Variants in ADGRB3 observed in about 807,000 individuals in gnomAD.
The protein encoded by ADGRB3 is adhesion G protein-coupled receptor B3.
ADGRB3 carries 37 observed loss-of-function variants against 193.4 expected under a neutral mutation model. The observed-to-expected ratio is 0.19, with a 90% CI of 0.15 to 0.25. ADGRB3 has a LOEUF of 0.25. ADGRB3 is among the 10% of genes least tolerant of loss of function. The pLI is 1.00. For missense variants in ADGRB3, 1,637 were observed against 1,852.9 expected (o/e 0.88, Z 2.14); for synonymous variants, 690 against 644.2 (o/e 1.07, Z -1.08).
At chr6:68,728,796 C>T (rs933477663) in intron 3 of ADGRB3, among the ~76,000 whole-genome samples, 6 of 151,530 alleles carry the variant, frequency 4.0e-5, no homozygotes, top group Admixed American at 3.3e-4. Context: ...TTCAACAAAA[C>T]ATCATGGCTC....
chr6:69,105,274 A>C (rs575241597), intron 17 of ADGRB3, among the ~76,000 whole-genome samples: 2 of 152,292 alleles, frequency 1.3e-5, no homozygotes, highest in South Asian at 2.1e-4. Flanking sequence ...TTCAGCCTCT[A>C]AAATTTCCAG....
chr6:69,377,769 A>T (rs139862461), intron 30 of ADGRB3, among the ~76,000 whole-genome samples: 1 of 152,156 alleles, frequency 6.6e-6, no homozygotes, highest in Non-Finnish European at 1.5e-5. Flanking sequence ...TTAAGCATCA[A>T]CTCTGTGATT....
At chr6:68,906,954 T>G (rs1766565133) in intron 3 of ADGRB3, among the ~76,000 whole-genome samples, 2 of 151,968 alleles carry the variant, frequency 1.3e-5, no homozygotes, top group African/African-American at 4.8e-5. Context: ...CCTTCACTAT[T>G]TTCCTTTTTA....
At position 68,764,093 on chromosome 6, in the gene ADGRB3, A is replaced by G. The variant is rs559071891; in HGVS notation, c.757+124661A>G. Among the ~76,000 whole-genome samples the G allele has an allele frequency of 2.0e-5, 3 of 152,202 alleles. No individual in the cohort carries two copies. In the South Asian group the frequency reaches 6.2e-4, roughly 32 times the overall value. On this transcript the variant is annotated intron_variant, in intron 3 of 31. Transcript: ENST00000370598. ...CCTCAAATACATACATAAATAAATA[A>G]AATTTTTAGACATGAAATAGGCATT...
At chr6:68,986,765 A>G (rs1420923981) in intron 10 of ADGRB3, among the ~76,000 whole-genome samples, 2 of 152,170 alleles carry the variant, frequency 1.3e-5, no homozygotes, top group South Asian at 2.1e-4. Flanking sequence ...TACCTTGCAG[A>G]TGGGCTGTAG....
intron 10 of ADGRB3, among the ~76,000 whole-genome samples, chr6:68,981,602 C>T (rs1768910872): frequency 6.6e-6 from 1 of 151,518 alleles, no homozygotes. Flanking sequence ...TTAGACTTTA[C>T]ATGCCATATG....
At chr6:69,372,518 C>T in intron 30 of ADGRB3, 77 bp downstream of exon 30, 1 of 706,606 alleles carries the variant, frequency 1.4e-6, no homozygotes, top group Non-Finnish European at 2.1e-6. Context: ...AAAATTATTA[C>T]TCTATGCAGC....
chr6:69,343,301 A>G (rs1484427039), intron 26 of ADGRB3, among the ~76,000 whole-genome samples: 1 of 150,550 alleles, frequency 6.6e-6, no homozygotes, highest in Non-Finnish European at 1.5e-5. Flanking sequence ...GTCATCTAGC[A>G]TTAGGTATAT....
chr6:68,709,112 C>T (rs530949564), intron 3 of ADGRB3, among the ~76,000 whole-genome samples: 9 of 152,158 alleles, frequency 5.9e-5, no homozygotes, highest in African/African-American at 1.9e-4. Flanking sequence ...TCTAAAATAC[C>T]TTTCAATTTA....
At chr6:69,199,346 C>T (rs1765372165) in intron 17 of ADGRB3, among the ~76,000 whole-genome samples, 1 of 151,954 alleles carries the variant, frequency 6.6e-6, no homozygotes, top group South Asian at 2.1e-4. Flanking sequence ...CCTGGGTGAC[C>T]TTGGGCAAGT....
intron 3 of ADGRB3, among the ~76,000 whole-genome samples, chr6:68,919,235 A>C (rs1766961424): frequency 6.6e-6 from 1 of 152,218 alleles, no homozygotes; most frequent in African/African-American, 2.4e-5. Context: ...TGATAAGCCT[A>C]AAACAGCTTT....
chr6:68,862,610 G>C (rs188088922), intron 3 of ADGRB3, among the ~76,000 whole-genome samples: 41 of 152,242 alleles, frequency 2.7e-4, no homozygotes, highest in Admixed American at 1.6e-3. Flanking sequence ...ATGTGACAAT[G>C]TCCTTAGCTA....
At chr6:68,975,572 G>A (rs1768719311) in intron 10 of ADGRB3, among the ~76,000 whole-genome samples, 1 of 152,192 alleles carries the variant, frequency 6.6e-6, no homozygotes, top group South Asian at 2.1e-4. Context: ...AGAACCCTTT[G>A]TCTAGTGGGG....
intron 17 of ADGRB3, among the ~76,000 whole-genome samples, chr6:69,117,616 T>C (rs1265153874): frequency 6.6e-6 from 1 of 152,172 alleles, no homozygotes; most frequent in African/African-American, 2.4e-5. Context: ...CTCAACAAGT[T>C]TGGAAATATG....
rs367680033 is a variant in ADGRB3 at position 69,140,212 on chromosome 6, A to C, written c.2480+64174A>C. Among the ~76,000 whole-genome samples, 107 of 152,372 alleles carry C rather than the reference A, an allele frequency of 7.0e-4. 1 individual carries two copies. The South Asian group carries it at 0.017, about 25-fold the overall frequency. ...GTTTACTCTGAATTCAAAAGTCTCT[A>C]ATAACTGATATATAAGGTTAAATAT... On this transcript the variant is annotated intron_variant, in intron 17 of 31. Coordinates refer to ENST00000370598, the MANE Select transcript of ADGRB3 (RefSeq NM_001704.3).
chr6:68,967,438 T>C (rs1768415929), intron 8 of ADGRB3, among the ~76,000 whole-genome samples: 2 of 152,142 alleles, frequency 1.3e-5, no homozygotes, highest in Non-Finnish European at 2.9e-5. Flanking sequence ...AATGGTCCTA[T>C]AGGATCTTAG....
chr6:68,697,040 T>C (rs1307867705), intron 3 of ADGRB3, among the ~76,000 whole-genome samples: 1 of 151,986 alleles, frequency 6.6e-6, no homozygotes, highest in Admixed American at 6.6e-5. Flanking sequence ...TCTAAGAAGA[T>C]GCTCTCTCTC....
At chr6:69,316,267 A>C (rs1016960013) in intron 20 of ADGRB3, among the ~76,000 whole-genome samples, 2 of 151,500 alleles carry the variant, frequency 1.3e-5, no homozygotes, top group Non-Finnish European at 3.0e-5. Flanking sequence ...GAAACTCATC[A>C]CTGTAATAAT....
rs1395839962 is a variant in ADGRB3, at chr6:69,234,885, A to G, written c.2608-147A>G. 11 of 594,796 alleles carry G rather than the reference A, an allele frequency of 1.8e-5. No individual in the cohort carries two copies. In the East Asian group the frequency reaches 3.1e-4, roughly 17 times the overall value. 36.8% of individuals were successfully genotyped at this position (594,796 alleles called of 1,614,324 possible). ...TATTTTTAGAGGTTGAGAATGCAAG[A>G]ACAGAGTGGATTCATGGGTAACTAT... On this transcript the variant is annotated intron_variant, in intron 18 of 31. Coordinates refer to ENST00000370598, the MANE Select transcript of ADGRB3 (RefSeq NM_001704.3).
Sources: allele counts gnomAD v4.1 joint callset (sites outside exome capture counted in the v4.1 genomes callset), GRCh38; gene constraint gnomAD v4.1.1; transcripts MANE v1.5; gene names NCBI Gene and HGNC (gene_info 2026-07-23, HGNC 2026-07-21).